The following C4orf51 variants were observed in gnomAD, a reference collection of about 807,000 sequenced individuals.
The protein encoded by C4orf51 is uncharacterized protein C4orf51.
In C4orf51, 25 loss-of-function variants were observed where a neutral mutation model predicts 25.2. The observed-to-expected ratio is 0.99, with a 90% CI of 0.72 to 1.39. C4orf51 has a LOEUF of 1.39. Among genes scored for constraint, C4orf51 ranks in the 40% most tolerant of loss-of-function variants. The pLI is 0.00. For synonymous variants in C4orf51, 100 were observed against 84.5 expected (o/e 1.18, Z -1.01); for missense variants, 252 against 239.6 (o/e 1.05, Z -0.34).
chr4:145,687,002 T>TGGG (rs138977901), intron 1 of C4orf51, among the ~76,000 whole-genome samples: 197 of 123,450 alleles, frequency 1.6e-3, no homozygotes, highest in Non-Finnish European at 2.5e-3. Context: ...TTGGATCTTG[T>TGGG]GGGGGGGGCG....
chr4:145,774,519 G>A (rs1366531412), downstream of C4orf51: 1 of 1,610,750 alleles, frequency 6.2e-7, no homozygotes, highest in Non-Finnish European at 8.5e-7. Flanking sequence ...TGTGCTTGGT[G>A]CCAATGTGAG....
At chr4:145,733,152 C>T (rs58179076), downstream of C4orf51, among the ~76,000 whole-genome samples, 27,299 of 151,780 alleles carry the variant, frequency 0.18, 2,817 homozygotes, top group African/African-American at 0.27. Context: ...CCACGGCCCG[C>T]CCACCCGCCG....
chr4:145,779,253 A>G, the C4orf51 span: 1 of 1,326,642 alleles, frequency 7.5e-7, no homozygotes, highest in South Asian at 1.6e-5. Flanking sequence ...AAATGGCTTG[A>G]AAAGGTCAGC....
rs188005731 is a variant in C4orf51 at position 145,726,265 on chromosome 4, A to T, written c.308-646A>T. Among the ~76,000 whole-genome samples the T allele has an allele frequency of 2.0e-5, 3 of 152,356 alleles. No homozygotes were observed. The East Asian group carries it at 5.8e-4, about 29-fold the overall frequency. The stretch of plus-strand genomic sequence containing the variant: ...GTATACAATGTGTAATGAGTGAGTC[A>T]GGGTAACTGGCATATCCATCACCTC... On this transcript the variant is annotated intron_variant, in intron 2 of 5. Transcript: ENST00000438731.
chr4:145,725,889 C>T (rs1732027859), intron 2 of C4orf51, among the ~76,000 whole-genome samples: 3 of 152,132 alleles, frequency 2.0e-5, no homozygotes, highest in African/African-American at 7.2e-5. Context: ...ACTTAATTCA[C>T]TGAACTGTGT....
the C4orf51 span, among the ~76,000 whole-genome samples, chr4:145,778,264 G>C: frequency 6.6e-6 from 1 of 152,002 alleles, no homozygotes; most frequent in Admixed American, 6.6e-5. Flanking sequence ...CTCCTGAGTA[G>C]CTGGGATTAC....
intron 2 of C4orf51, among the ~76,000 whole-genome samples, chr4:145,724,870 A>G (rs1731956517): frequency 7.2e-6 from 1 of 139,144 alleles, no homozygotes; most frequent in Non-Finnish European, 1.5e-5. Context: ...GTGGCAGAGC[A>G]AGACTGTCTC....
chr4:145,696,652 T>C lies in C4orf51; in HGVS notation c.307+20T>C, dbSNP rs200338595. 7.8e-5 allele frequency: 124 copies of C among 1,584,982 alleles called. 1 individual carries two copies. In the African/African-American group the frequency reaches 9.9e-4, roughly 13 times the overall value. The stretch of plus-strand genomic sequence containing the variant: ...TCAAAGGTAAGTGCAACATGATCAG[T>C]TTCTGGGCCCAGCCCTTTTGCCAGG... On this transcript the variant is annotated intron_variant, in intron 2 of 5. Coordinates refer to ENST00000438731, the MANE Select transcript of C4orf51 (RefSeq NM_001080531.3).
At chr4:145,689,393 T>G (rs908931253) in intron 1 of C4orf51, among the ~76,000 whole-genome samples, 1 of 152,046 alleles carries the variant, frequency 6.6e-6, no homozygotes. Flanking sequence ...GGCTTGCATC[T>G]ATGAGACATA....
In C4orf51 at chr4:145,761,625, G is replaced by T. The variant is rs549171787; in HGVS notation, n.167-9363G>T. On this transcript the variant is annotated intron_variant and non_coding_transcript_variant, in intron 1 of 1. Transcript: ENST00000510096. This position sits in a 1 kb window ranked among gnomAD's most constrained non-coding sequence, Gnocchi z 6.8. Reference sequence around the variant, plus strand: ...TGCCGGGGAAAGCAACGCAAGGGAGGTTCAGCCGGGAAGGTTCGGAGGCAG... The same window carrying T: ...TGCCGGGGAAAGCAACGCAAGGGAGTTTCAGCCGGGAAGGTTCGGAGGCAG... The T allele has an allele frequency of 2.0e-4, 240 of 1,217,352 alleles. No individual in the cohort carries two copies. Among genetic ancestry groups the T allele is most frequent in the Admixed American group, 2.5e-4 (10 of 40,048 alleles). The allele number at this position is 1,217,352 out of a possible 1,614,324, so 75.4% of individuals were successfully genotyped here.
At chr4:145,743,412 C>T (rs745406172) in intron 1 of C4orf51, among the ~76,000 whole-genome samples, 3 of 152,096 alleles carry the variant, frequency 2.0e-5, no homozygotes, top group South Asian at 2.1e-4. Context: ...GAAGGGGAAG[C>T]GGGCTTAACT....
At chr4:145,741,204 C>T (rs559314263) in intron 1 of C4orf51, among the ~76,000 whole-genome samples, 3 of 152,296 alleles carry the variant, frequency 2.0e-5, no homozygotes, top group African/African-American at 7.2e-5. Flanking sequence ...GGCTCTCTGG[C>T]CGTATCCATC....
At chr4:145,707,812 C>A (rs753101011) in intron 2 of C4orf51, among the ~76,000 whole-genome samples, 3 of 152,188 alleles carry the variant, frequency 2.0e-5, no homozygotes, top group Non-Finnish European at 4.4e-5. Flanking sequence ...AGCTCCTGAA[C>A]CCAAAAGGGA....
chr4:145,762,270 G>A lies in C4orf51; in HGVS notation n.167-8718G>A, dbSNP rs1024267251. Reference sequence around the variant, plus strand: ...GCTCTTTGTCAGGAAAGGAAGCTGAGGACTATGGCAGGGGCATGGGAGGAG... The same window carrying A: ...GCTCTTTGTCAGGAAAGGAAGCTGAAGACTATGGCAGGGGCATGGGAGGAG... On this transcript the variant is annotated intron_variant and non_coding_transcript_variant, in intron 1 of 1. Transcript: ENST00000510096. This position sits in a 1 kb window ranked among gnomAD's most constrained non-coding sequence, Gnocchi z 4.9. Among the ~76,000 whole-genome samples the A allele has an allele frequency of 1.5e-4, 23 of 152,130 alleles. No homozygotes were observed. The highest frequency in any genetic ancestry group is 1.2e-3 in the Admixed American group (18 of 15,268).
At chr4:145,787,137 C>T in the C4orf51 span, among the ~76,000 whole-genome samples, 1 of 152,346 alleles carries the variant, frequency 6.6e-6, no homozygotes, top group Non-Finnish European at 1.5e-5. Context: ...CAAGGTGTTA[C>T]CTCAATGAAC....
At chr4:145,723,116 C>T (rs1027843806) in intron 2 of C4orf51, among the ~76,000 whole-genome samples, 1 of 152,124 alleles carries the variant, frequency 6.6e-6, no homozygotes. Context: ...TGCCCCTGCC[C>T]ACCCACCTTC....
chr4:145,731,862 G>GT (rs1732502382), intron 5 of C4orf51, among the ~76,000 whole-genome samples: 1 of 151,484 alleles, frequency 6.6e-6, no homozygotes, highest in Admixed American at 6.6e-5. Context: ...GATTACAGGC[G>GT]TGAGCCACCA....
chr4:145,696,344 T>C (rs376833491), intron 1 of C4orf51, among the ~76,000 whole-genome samples: 2 of 152,228 alleles, frequency 1.3e-5, no homozygotes, highest in East Asian at 3.9e-4. Flanking sequence ...AAAATTGCTA[T>C]CGGGTATTAG....
In C4orf51 at chr4:145,732,650, C is replaced by T. The variant is rs964037850; in HGVS notation, c.*90C>T. 2.6e-6 allele frequency: 2 copies of T among 779,076 alleles called. No individual in the cohort carries two copies. Among genetic ancestry groups the T allele is most frequent in the Admixed American group, 2.4e-5 (1 of 41,344 alleles). The allele number at this position is 779,076 out of a possible 1,614,324, so 48.3% of individuals were successfully genotyped here. A position where few individuals can be genotyped will look rare whatever the true frequency, so the allele number is the denominator to read the frequency against. ...GGGCCCTCCCAACACCCTCCCCCCA[C>T]CCGCCCCGCCCAGGAACGTCTGGAC... is the stretch of plus-strand genomic sequence containing the variant. On this transcript the variant is annotated 3_prime_UTR_variant, in exon 6 of 6. Coordinates refer to ENST00000438731, the MANE Select transcript of C4orf51 (RefSeq NM_001080531.3).
Sources: allele counts gnomAD v4.1 joint callset (sites outside exome capture counted in the v4.1 genomes callset), GRCh38; gene constraint gnomAD v4.1.1; non-coding constraint Gnocchi (gnomAD v3.1); transcripts MANE v1.5; gene names NCBI Gene and HGNC (gene_info 2026-07-23, HGNC 2026-07-21).